Variants in RBFOX1 observed in about 807,000 individuals in gnomAD.
RBFOX1 encodes RNA binding protein fox-1 homolog 1.
A neutral mutation model predicts 57.7 loss-of-function variants in RBFOX1; 8 were observed. The observed-to-expected ratio is 0.14, with a 90% CI of 0.08 to 0.25. The LOEUF (loss-of-function observed/expected upper bound fraction) is 0.25. Ranked by LOEUF, RBFOX1 falls within the 10% of genes least tolerant of loss-of-function variation. RBFOX1 has a pLI of 1.00. For missense variants in RBFOX1, 611 were observed against 548.5 expected, an observed-to-expected ratio of 1.11 and a Z score of -1.14; for synonymous variants, 326 against 222.4, an observed-to-expected ratio of 1.47 and a Z score of -4.15.
intron 4 of RBFOX1, among the ~76,000 whole-genome samples, chr16:7,376,841 C>A (rs1016028509): frequency 6.6e-6 from 1 of 152,124 alleles, no homozygotes; most frequent in African/African-American, 2.4e-5. Context: ...TGTTAAAAGT[C>A]GTGGTCATCT....
intron 4 of RBFOX1, among the ~76,000 whole-genome samples, chr16:7,513,013 C>G (rs1272792706): frequency 1.3e-5 from 2 of 152,102 alleles, no homozygotes; most frequent in African/African-American, 2.4e-5. Context: ...TCTGTAATCC[C>G]AGCACTTTGG....
intron 4 of RBFOX1, among the ~76,000 whole-genome samples, chr16:7,054,213 C>CGGGGGG (rs71147642): frequency 5.0e-4 from 9 of 17,824 alleles, no homozygotes; most frequent in East Asian, 3.4e-3. Context: ...TTTTTTTTTT[C>CGGGGGG]GGGGGGGGGG....
intron 13 of RBFOX1, chr16:7,671,612 G>T: frequency 1.2e-6 from 2 of 1,605,740 alleles, no homozygotes; most frequent in South Asian, 1.1e-5. Flanking sequence ...ATGAAATCCC[G>T]ACTGGTGGAG....
At chr16:7,390,225 A>G (rs763556732) in intron 4 of RBFOX1, among the ~76,000 whole-genome samples, 1 of 152,202 alleles carries the variant, frequency 6.6e-6, no homozygotes, top group Non-Finnish European at 1.5e-5. Context: ...CCCTCCTCCA[A>G]CACTGAGAAC....
Position 7,170,038 on chromosome 16 carries a change from C to T in RBFOX1, c.27+117940C>T, listed in dbSNP as rs544147833. 2.6e-5 allele frequency among the ~76,000 whole-genome samples: 4 copies of T among 152,246 alleles called. No homozygotes were observed. In the South Asian group the frequency reaches 8.3e-4, roughly 32 times the overall value. ...GCAGTGAACCAAGATTGTGCCAATGCACTCTAGCCTAGGTGATAGAGGAAG... is the reference window on the plus strand; with the variant it reads ...GCAGTGAACCAAGATTGTGCCAATGTACTCTAGCCTAGGTGATAGAGGAAG... On this transcript the variant is annotated intron_variant, in intron 4 of 15. Transcript: ENST00000550418.
chr16:6,581,459 T>G (rs1393161028), intron 2 of RBFOX1, among the ~76,000 whole-genome samples: 1 of 152,198 alleles, frequency 6.6e-6, no homozygotes, highest in African/African-American at 2.4e-5. Flanking sequence ...GCTGTTGTTT[T>G]GGGAAACAAG....
chr16:7,398,523 A>G (rs7184071), intron 4 of RBFOX1, among the ~76,000 whole-genome samples: 7,252 of 152,318 alleles, frequency 0.048, 434 homozygotes, highest in African/African-American at 0.15. Flanking sequence ...AGAAAACAGA[A>G]CAGATCTTGC....
At chr16:7,095,036 T>C (rs1295041963) in intron 4 of RBFOX1, among the ~76,000 whole-genome samples, 1 of 152,210 alleles carries the variant, frequency 6.6e-6, no homozygotes, top group South Asian at 2.1e-4. Flanking sequence ...TTTGCAATTC[T>C]GTTATTTGCA....
chr16:5,690,169 G>A (rs1338728957), intron 3 of RBFOX1, among the ~76,000 whole-genome samples: 1 of 152,206 alleles, frequency 6.6e-6, no homozygotes, highest in Non-Finnish European at 1.5e-5. Flanking sequence ...TGGTTTTCAT[G>A]TAATGGTATC....
rs749375011 is a variant in RBFOX1, at chr16:7,710,071, T to C, written c.1072-552T>C. 115 of 1,000,560 alleles carry C rather than the reference T, an allele frequency of 1.1e-4. No homozygotes were observed. The South Asian group carries it at 1.2e-3, about 11-fold the overall frequency. The allele number at this position is 1,000,560 out of a possible 1,614,324, so 62.0% of individuals were successfully genotyped here. A position where few individuals can be genotyped will look rare whatever the true frequency, so the allele number is the denominator to read the frequency against. On this transcript the variant is annotated intron_variant, in intron 15 of 15. Transcript: ENST00000550418. Reference sequence around the variant, plus strand: ...AAGCTCAGTCATAGAAATTCAGCCATGATTTGGAAGCATTGTTTTGCACAA... The same window carrying C: ...AAGCTCAGTCATAGAAATTCAGCCACGATTTGGAAGCATTGTTTTGCACAA...
intron 3 of RBFOX1, among the ~76,000 whole-genome samples, chr16:5,792,657 A>G (rs570527147): frequency 3.4e-4 from 52 of 152,240 alleles, no homozygotes; most frequent in African/African-American, 1.2e-3. Flanking sequence ...AGCCTGGCCA[A>G]CGTGCTGAAA....
intron 3 of RBFOX1, among the ~76,000 whole-genome samples, chr16:6,969,895 C>G (rs527996279): frequency 5.9e-5 from 9 of 152,162 alleles, no homozygotes; most frequent in Non-Finnish European, 1.3e-4. Flanking sequence ...TGTTGTGTCA[C>G]TTGAGACTCT....
At chr16:7,504,613 C>T (rs1191750083) in intron 4 of RBFOX1, among the ~76,000 whole-genome samples, 1 of 146,972 alleles carries the variant, frequency 6.8e-6, no homozygotes, top group Admixed American at 6.9e-5. Flanking sequence ...TCTGGATTTG[C>T]ACTTATTCAC....
intron 2 of RBFOX1, among the ~76,000 whole-genome samples, chr16:6,429,716 T>A (rs1490951737): frequency 6.6e-6 from 1 of 152,188 alleles, no homozygotes; most frequent in South Asian, 2.1e-4. Flanking sequence ...GTTTTATAAA[T>A]GGGAATTCTC....
chr16:5,444,856 A>G (rs900090821), intron 1 of RBFOX1, among the ~76,000 whole-genome samples: 6 of 152,310 alleles, frequency 3.9e-5, no homozygotes, highest in Admixed American at 3.3e-4. Context: ...ATAGCTGAAT[A>G]TCAGCACTTT....
At chr16:7,489,459 C>T (rs1490065626) in intron 4 of RBFOX1, among the ~76,000 whole-genome samples, 1 of 151,930 alleles carries the variant, frequency 6.6e-6, no homozygotes, top group African/African-American at 2.4e-5. Context: ...GCTTCTTTTG[C>T]TGTTCCTATT....
chr16:6,992,958 A>G (rs1422288033), intron 3 of RBFOX1, among the ~76,000 whole-genome samples: 4 of 152,032 alleles, frequency 2.6e-5, no homozygotes, highest in African/African-American at 9.7e-5. Flanking sequence ...CCTTCTTCCC[A>G]ATTACTTCTT....
chr16:6,609,766 T>C (rs1307626977), intron 2 of RBFOX1, among the ~76,000 whole-genome samples: 1 of 151,992 alleles, frequency 6.6e-6, no homozygotes, highest in African/African-American at 2.4e-5. Flanking sequence ...TGCTAGCACT[T>C]TGGGAGGCCG....
At chr16:6,562,582 A>G (rs1371982613) in intron 2 of RBFOX1, among the ~76,000 whole-genome samples, 1 of 152,216 alleles carries the variant, frequency 6.6e-6, no homozygotes, top group Non-Finnish European at 1.5e-5. Flanking sequence ...TTTCACTAAT[A>G]GGTTATAAGT....
Sources: gnomAD v4.1 joint callset for allele counts (sites outside exome capture counted in the v4.1 genomes callset) on GRCh38, gnomAD v4.1.1 for gene constraint, MANE v1.5 for transcripts, NCBI Gene and HGNC (gene_info 2026-07-23, HGNC 2026-07-21) for gene names.